The following PLEKHG1 variants were observed in gnomAD, a reference collection of about 807,000 sequenced individuals.
PLEKHG1 encodes pleckstrin homology domain-containing family G member 1.
A neutral mutation model predicts 100.8 loss-of-function variants in PLEKHG1; 44 were observed. That is an observed-to-expected ratio of 0.44 (90% CI 0.34 to 0.56). The LOEUF is 0.56. PLEKHG1 is among the 20% of genes least tolerant of loss of function. The pLI is 0.01. For missense variants in PLEKHG1, 1,545 were observed against 1,720.9 expected, an observed-to-expected ratio of 0.90 and a Z score of 1.81; for synonymous variants, 640 against 662.5, an observed-to-expected ratio of 0.97 and a Z score of 0.52.
chr6:150,805,613 C>T (rs929645114), intron 7 of PLEKHG1, among the ~76,000 whole-genome samples: 25 of 151,976 alleles, frequency 1.6e-4, no homozygotes, highest in African/African-American at 4.6e-4. Flanking sequence ...CGGCAACCTT[C>T]GGCTCCCGGG....
At chr6:150,767,762 G>A (rs970072737) in intron 2 of PLEKHG1, among the ~76,000 whole-genome samples, 8 of 152,142 alleles carry the variant, frequency 5.3e-5, no homozygotes, top group Non-Finnish European at 1.0e-4. Flanking sequence ...GCTGCAGATC[G>A]CCATGTTACG....
At chr6:150,840,542 C>A in exon 16 of PLEKHG1, 1 of 1,614,100 alleles carries the variant, frequency 6.2e-7, no homozygotes, top group Non-Finnish European at 8.5e-7. Flanking sequence ...ATTATTTTTC[C>A]AATTTCAAAG....
At chr6:150,838,089 T>G (rs550562468) in intron 15 of PLEKHG1, among the ~76,000 whole-genome samples, 1 of 152,288 alleles carries the variant, frequency 6.6e-6, no homozygotes, top group Admixed American at 6.5e-5. Flanking sequence ...GAAGATAGAC[T>G]CAAAAGAAAT....
At chr6:150,735,069 C>T (rs1458603884) in intron 2 of PLEKHG1, among the ~76,000 whole-genome samples, 3 of 149,522 alleles carry the variant, frequency 2.0e-5, no homozygotes, top group African/African-American at 7.4e-5. Context: ...TTACCACAAC[C>T]TCCGCCTCCC....
rs530629903 is a variant in PLEKHG1, at chr6:150,635,178, A to G, written c.-203-2902A>G. 1.6e-3 allele frequency among the ~76,000 whole-genome samples: 245 copies of G among 152,364 alleles called. 2 individuals carry two copies. The highest frequency in any genetic ancestry group is 3.4e-3 in the Middle Eastern group (1 of 294). On this transcript the variant is annotated intron_variant, in intron 1 of 3. Coordinates refer to the PLEKHG1 transcript ENST00000367326. ...ATCATTTCATTACCTTTACTCCAGCACATTCCAATTAGCCTCCTGGCAAGC... is the reference window on the plus strand; with the variant it reads ...ATCATTTCATTACCTTTACTCCAGCGCATTCCAATTAGCCTCCTGGCAAGC...
chr6:150,817,885 TG>T (rs1776071250), intron 10 of PLEKHG1, among the ~76,000 whole-genome samples: 2 of 151,810 alleles, frequency 1.3e-5, no homozygotes, highest in South Asian at 4.2e-4. Flanking sequence ...TTTAATAAGC[TG>T]GCCAATGAGT....
At chr6:150,827,292 T>G (rs1009447847) in intron 14 of PLEKHG1, among the ~76,000 whole-genome samples, 3 of 151,606 alleles carry the variant, frequency 2.0e-5, no homozygotes, top group African/African-American at 7.3e-5. Flanking sequence ...TTTTTTTTTT[T>G]TTGAGATAGA....
chr6:150,809,629 CT>C lies in PLEKHG1; in HGVS notation c.1192-18del, dbSNP rs770135417. 2.5e-6 allele frequency: 4 copies of C among 1,604,990 alleles called. No homozygotes were observed. In the East Asian group the frequency reaches 8.9e-5, roughly 36 times the overall value. ...TGGTGGAATCAAGTTGTCTGACTGT[CT>C]ACATCTCGTCTTGGCAGGCCAAATC... On this transcript the variant is annotated intron_variant, in intron 9 of 15. Coordinates refer to ENST00000358517, the Ensembl canonical transcript of PLEKHG1.
At chr6:150,667,023 G>C (rs922722659) in intron 3 of PLEKHG1, among the ~76,000 whole-genome samples, 3 of 152,154 alleles carry the variant, frequency 2.0e-5, no homozygotes, top group African/African-American at 7.2e-5. Flanking sequence ...CTCCCAAAGT[G>C]CTGGGATTAC....
At chr6:150,727,630 G>T (rs1034132707) in intron 1 of PLEKHG1, among the ~76,000 whole-genome samples, 6 of 151,830 alleles carry the variant, frequency 4.0e-5, no homozygotes, top group African/African-American at 1.5e-4. Context: ...ATTTTATTTG[G>T]TTGGCTTTTA....
intron 3 of PLEKHG1, among the ~76,000 whole-genome samples, chr6:150,701,420 TATATATATA>T: frequency 6.0e-5 from 1 of 16,692 alleles, no homozygotes; most frequent in Non-Finnish European, 1.0e-4. Context: ...TAATTCTTTA[TATATATATA>T]TATATATATA....
chr6:150,659,929 C>T (rs1582901797), intron 3 of PLEKHG1, among the ~76,000 whole-genome samples: 1 of 152,156 alleles, frequency 6.6e-6, no homozygotes, highest in Non-Finnish European at 1.5e-5. Flanking sequence ...TGTAACTACT[C>T]ACAAACTTTT....
At chr6:150,612,625 G>A (rs185795700) in intron 1 of PLEKHG1, among the ~76,000 whole-genome samples, 7 of 152,206 alleles carry the variant, frequency 4.6e-5, no homozygotes, top group Admixed American at 2.6e-4. Flanking sequence ...GAGCCACCAC[G>A]CCCAGCCTGA....
At chr6:150,819,219 A>T (rs1776160353) in intron 11 of PLEKHG1, among the ~76,000 whole-genome samples, 1 of 151,530 alleles carries the variant, frequency 6.6e-6, no homozygotes, top group African/African-American at 2.4e-5. Context: ...TGAGATACAT[A>T]TACAGCAGCA....
intron 1 of PLEKHG1, among the ~76,000 whole-genome samples, chr6:150,602,422 A>C (rs934780803): frequency 6.6e-6 from 1 of 152,220 alleles, no homozygotes; most frequent in Non-Finnish European, 1.5e-5. Context: ...GAATTAGCCT[A>C]CTTGTGTGAT....
At position 150,786,723 on chromosome 6, in the gene PLEKHG1, G is replaced by A. The variant is rs554476487; in HGVS notation, c.582+264G>A. On this transcript the variant is annotated intron_variant, in intron 4 of 15. Coordinates refer to ENST00000358517, the Ensembl canonical transcript of PLEKHG1. ...CTTAAAGCTTGGGAGGGGAGAGTCC[G>A]GAGTAGAAGAATGTTAGAAAAATGG... is the stretch of plus-strand genomic sequence containing the variant. 1.1e-4 allele frequency among the ~76,000 whole-genome samples: 17 copies of A among 152,068 alleles called. No homozygotes were observed. In the South Asian group the frequency reaches 2.7e-3, roughly 24 times the overall value.
At position 150,625,298 on chromosome 6, in the gene PLEKHG1, A is replaced by T. The variant is rs1562391286; in HGVS notation, c.-203-12782A>T. Among the ~76,000 whole-genome samples the T allele has an allele frequency of 2.6e-5, 4 of 152,208 alleles. No individual in the cohort carries two copies. In the South Asian group the frequency reaches 8.3e-4, roughly 32 times the overall value. Reference sequence around the variant, plus strand: ...TCTGGAGGCTGGAATTCCAAGATGAAGGTGTTAGCAGGGTTGTTTCTTCGC... The same window carrying T: ...TCTGGAGGCTGGAATTCCAAGATGATGGTGTTAGCAGGGTTGTTTCTTCGC... On this transcript the variant is annotated intron_variant, in intron 1 of 3. Transcript: ENST00000367326.
chr6:150,809,343 C>T (rs756539732), intron 8 of PLEKHG1, 38 bp from the exon 10 acceptor site: 20 of 1,610,522 alleles, frequency 1.2e-5, no homozygotes, highest in Admixed American at 1.7e-5. Flanking sequence ...CTGTTCCCTC[C>T]TGAGTGTGCC....
At chr6:150,807,918 G>A (rs1252139060) in intron 7 of PLEKHG1, among the ~76,000 whole-genome samples, 9 of 152,206 alleles carry the variant, frequency 5.9e-5, no homozygotes, top group South Asian at 4.2e-4. Flanking sequence ...GCAGTGAGCC[G>A]AGATTGTGCC....
Sources: allele counts gnomAD v4.1 joint callset (sites outside exome capture counted in the v4.1 genomes callset), GRCh38; gene constraint gnomAD v4.1.1; transcripts MANE v1.5; gene names NCBI Gene and HGNC (gene_info 2026-07-23, HGNC 2026-07-21).